Variants in MARCHF4 observed in about 807,000 individuals in gnomAD.
MARCHF4 encodes membrane associated ring-CH-type finger 4.
In MARCHF4, 14 loss-of-function variants were observed where a neutral mutation model predicts 43.9. The observed-to-expected ratio is 0.32, with a 90% confidence interval of 0.21 to 0.50. The LOEUF (loss-of-function observed/expected upper bound fraction) is 0.50. Among genes scored for constraint, MARCHF4 ranks in the 20% least tolerant of loss-of-function variants. The pLI, the probability that MARCHF4 is intolerant of heterozygous loss-of-function variation, is 0.98. For synonymous variants in MARCHF4, 226 were observed against 213.3 expected (o/e 1.06, Z -0.52); for missense variants, 468 against 536.7 (o/e 0.87, Z 1.27).
intron 3 of MARCHF4, among the ~76,000 whole-genome samples, chr2:216,261,000 A>G (rs1240178438): frequency 6.6e-6 from 1 of 152,144 alleles, no homozygotes; most frequent in African/African-American, 2.4e-5. Context: ...GATCTGGACA[A>G]CTTCGAAGCT....
intron 1 of MARCHF4, among the ~76,000 whole-genome samples, chr2:216,338,634 G>T (rs1389104204): frequency 6.6e-6 from 1 of 152,036 alleles, no homozygotes; most frequent in Admixed American, 6.6e-5. Context: ...GCGTGGACTT[G>T]CAGCTCCACT....
chr2:216,320,609 TTCTTTCTTTCTTTC>T (rs751186504), intron 1 of MARCHF4, among the ~76,000 whole-genome samples: 439 of 35,436 alleles, frequency 0.012, 4 homozygotes, highest in East Asian at 0.06. Context: ...TAGCCTCTTT[TTCTTTCTTTCTTTC>T]TTTCTTTCTT....
chr2:216,293,275 C>G (rs1195307907), intron 1 of MARCHF4, among the ~76,000 whole-genome samples: 3 of 152,266 alleles, frequency 2.0e-5, no homozygotes, highest in Middle Eastern at 3.4e-3. Flanking sequence ...CCTGATGGCA[C>G]CAAGGCCAAG....
intron 1 of MARCHF4, among the ~76,000 whole-genome samples, chr2:216,329,095 A>G (rs1162857008): frequency 6.7e-6 from 1 of 148,504 alleles, no homozygotes; most frequent in East Asian, 2.0e-4. Context: ...AAATAAAAAC[A>G]CCCGGCCGGG....
At chr2:216,282,884 C>A (rs1691152313) in intron 2 of MARCHF4, among the ~76,000 whole-genome samples, 1 of 152,140 alleles carries the variant, frequency 6.6e-6, no homozygotes, top group Non-Finnish European at 1.5e-5. Context: ...TTTTCTCTGC[C>A]TCCCTCTCCT....
intron 1 of MARCHF4, among the ~76,000 whole-genome samples, chr2:216,326,131 C>T (rs1292944609): frequency 6.7e-6 from 1 of 149,646 alleles, no homozygotes; most frequent in Non-Finnish European, 1.5e-5. Flanking sequence ...ACAAACAACC[C>T]CATCAAAAAG....
At chr2:216,357,763 T>C (rs1692523058) in intron 1 of MARCHF4, among the ~76,000 whole-genome samples, 1 of 152,230 alleles carries the variant, frequency 6.6e-6, no homozygotes, top group African/African-American at 2.4e-5. Context: ...AAGTATCTCT[T>C]TGAGAATATA....
intron 1 of MARCHF4, chr2:216,321,637 C>G (rs1691896926): frequency 6.6e-6 from 1 of 152,188 alleles, no homozygotes; most frequent in African/African-American, 2.4e-5. Flanking sequence ...TCCTTCAGGT[C>G]TCCTTCTTCC....
intron 1 of MARCHF4, 147 bp downstream of exon 1, chr2:216,369,598 A>C: frequency 1.6e-6 from 1 of 631,012 alleles, no homozygotes; most frequent in Non-Finnish European, 2.6e-6. Flanking sequence ...GGGCAAACTT[A>C]ACCACAAGAA....
intron 1 of MARCHF4, chr2:216,321,446 T>G (rs1691894332): frequency 6.6e-6 from 1 of 152,198 alleles, no homozygotes. Context: ...AGGGGATTGG[T>G]CGGTCCTTGA....
rs773155317 is a variant in MARCHF4 at position 216,369,963 on chromosome 2, C to G, written c.298G>C (p.Glu100Gln). ...GGTGGAGGTGGCACAGGAGGGGGCT[C>G]CCTGCCCACCACTTCTCGGGGGCCC... ...WRGPREVVGR[E>Q]PPPVPPPPPL... is the part of the protein sequence containing the mutation. The change falls in exon 1 of 4, where the codon GAG becomes CAG. Residue 100 changes from glutamate to glutamine, a missense_variant. Coordinates refer to ENST00000273067, the MANE Select transcript of MARCHF4 (RefSeq NM_020814.3). 1.9e-6 allele frequency: 3 copies of G among 1,572,644 alleles called. No individual in the cohort carries two copies. The South Asian group carries it at 3.4e-5, about 18-fold the overall frequency.
In MARCHF4 at chr2:216,369,881, G is replaced by C. The variant is rs976834312; in HGVS notation, c.380C>G (p.Pro127Arg). 5.6e-6 allele frequency: 9 copies of C among 1,613,980 alleles called. No individual in the cohort carries two copies. The highest frequency in any genetic ancestry group is 7.6e-6 in the Non-Finnish European group (9 of 1,180,006). ...DDWGGPATEP[P>R]ASLLSSASSD... ...GGAGGCACTGCTGAGCAGCGAGGCA[G>C]GTGGCTCTGTGGCTGGGCCACCCCA... Residue 127 changes from proline to arginine, a missense_variant, in exon 1 of 4, where the codon CCT becomes CGT. Around this residue, in one of 3 missense-constraint regions of MARCHF4, gnomAD observed 158 missense variants for 251.1 expected, o/e 0.63. Transcript: ENST00000273067.
At chr2:216,304,018 A>C (rs1406107749) in intron 1 of MARCHF4, among the ~76,000 whole-genome samples, 1 of 152,168 alleles carries the variant, frequency 6.6e-6, no homozygotes, top group Non-Finnish European at 1.5e-5. Context: ...TGAAACAGGG[A>C]ACTTGGAAAG....
At chr2:216,367,901 T>G (rs1228648919) in intron 1 of MARCHF4, among the ~76,000 whole-genome samples, 1 of 152,186 alleles carries the variant, frequency 6.6e-6, no homozygotes, top group African/African-American at 2.4e-5. Flanking sequence ...ATTTTTACAC[T>G]TCTTTTCTCC....
intron 1 of MARCHF4, among the ~76,000 whole-genome samples, chr2:216,291,115 T>G (rs1367308258): frequency 6.6e-6 from 1 of 151,924 alleles, no homozygotes; most frequent in African/African-American, 2.4e-5. Flanking sequence ...GTGCCAGAGG[T>G]GATCGCTAGA....
chr2:216,323,819 T>C (rs1691944758), intron 1 of MARCHF4, among the ~76,000 whole-genome samples: 1 of 151,150 alleles, frequency 6.6e-6, no homozygotes, highest in Non-Finnish European at 1.5e-5. Context: ...AAGCAGTGTG[T>C]AGAAGGAAAT....
chr2:216,331,537 A>C (rs2105969682), intron 1 of MARCHF4, among the ~76,000 whole-genome samples: 1 of 152,316 alleles, frequency 6.6e-6, no homozygotes, highest in East Asian at 1.9e-4. Context: ...AAAGGAGAGA[A>C]GATTTTGGCC....
At chr2:216,289,139 C>T (rs538725992) in intron 1 of MARCHF4, among the ~76,000 whole-genome samples, 11 of 150,866 alleles carry the variant, frequency 7.3e-5, no homozygotes, top group Admixed American at 3.3e-4. Context: ...TGCAGTGGCA[C>T]GATCTCAGCT....
intron 1 of MARCHF4, among the ~76,000 whole-genome samples, chr2:216,352,308 G>C (rs1692414958): frequency 6.6e-6 from 1 of 152,168 alleles, no homozygotes; most frequent in Non-Finnish European, 1.5e-5. Flanking sequence ...AGCCAGGCTG[G>C]GTTAGGCCAG....
Sources: allele counts gnomAD v4.1 joint callset (sites outside exome capture counted in the v4.1 genomes callset), GRCh38; gene constraint gnomAD v4.1.1; regional missense constraint gnomAD v4.1.1; transcripts MANE v1.5; gene names NCBI Gene and HGNC (gene_info 2026-07-23, HGNC 2026-07-21).